The following THSD4 variants were observed in gnomAD, a reference collection of about 807,000 sequenced individuals.
THSD4 encodes the protein thrombospondin type-1 domain-containing protein 4.
Under a neutral mutation model 119.0 loss-of-function variants are expected in THSD4, and 69 were observed. That is an observed-to-expected ratio of 0.58 (90% CI 0.48 to 0.71). The LOEUF (loss-of-function observed/expected upper bound fraction) is 0.71, where lower values mean the gene tolerates loss of function less well. Among genes scored for constraint, THSD4 ranks in the 30% least tolerant of loss-of-function variants. The probability of loss-of-function intolerance (pLI) is 0.00; values close to 1 mark genes in which losing one functional copy is unlikely to be tolerated. For missense variants in THSD4, 1,393 were observed against 1,391.1 expected (o/e 1.00, Z -0.02); for synonymous variants, 524 against 540.4 (o/e 0.97, Z 0.42).
At chr15:71,431,058 A>G (rs1173791235) in intron 7 of THSD4, among the ~76,000 whole-genome samples, 1 of 152,184 alleles carries the variant, frequency 6.6e-6, no homozygotes. Context: ...GAATTTCAAC[A>G]TTTTGGAGGG....
intron 4 of THSD4, among the ~76,000 whole-genome samples, chr15:71,233,757 T>C (rs532774792): frequency 4.6e-5 from 7 of 152,360 alleles, no homozygotes; most frequent in African/African-American, 1.4e-4. Context: ...TATTTTTCTA[T>C]AACTAGATGT....
intron 3 of THSD4, among the ~76,000 whole-genome samples, chr15:71,212,870 TA>T (rs2043898952): frequency 6.6e-6 from 1 of 152,204 alleles, no homozygotes; most frequent in African/African-American, 2.4e-5. Context: ...TGGAAAGTGT[TA>T]ACTGGCGCTA....
rs568168848 is a variant in THSD4 at position 71,428,977 on chromosome 15, A to G, written c.1152+17154A>G. Reference sequence around the variant, plus strand: ...ACATGCTCATTCATTTTACATTTGTATGGTATCGCACACTAGGAACAACCA... The same window carrying G: ...ACATGCTCATTCATTTTACATTTGTGTGGTATCGCACACTAGGAACAACCA... On this transcript the variant is annotated intron_variant, in intron 7 of 17. Coordinates refer to ENST00000261862, the MANE Select transcript of THSD4 (RefSeq NM_024817.3). Among the ~76,000 whole-genome samples the G allele has an allele frequency of 8.1e-4, 124 of 152,330 alleles. 1 individual carries two copies. The highest frequency in any genetic ancestry group is 5.8e-4 in the East Asian group (3 of 5,192).
At chr15:71,335,179 T>C (rs537128395) in intron 6 of THSD4, among the ~76,000 whole-genome samples, 49 of 152,288 alleles carry the variant, frequency 3.2e-4, no homozygotes, top group Middle Eastern at 3.4e-3. Flanking sequence ...AGACAATACA[T>C]GTGAGGTGCT....
intron 8 of THSD4, among the ~76,000 whole-genome samples, chr15:71,670,066 GC>G (rs1313384291): frequency 8.5e-5 from 13 of 152,154 alleles, no homozygotes; most frequent in Non-Finnish European, 1.3e-4. Flanking sequence ...CCAGGATTAT[GC>G]CACTTCGGGT....
chr15:71,102,888 C>A (rs2040259024), intron 1 of THSD4, among the ~76,000 whole-genome samples: 1 of 152,060 alleles, frequency 6.6e-6, no homozygotes, highest in Non-Finnish European at 1.5e-5. Flanking sequence ...TTCTTTTTTC[C>A]CCCCTGAGAA....
chr15:71,367,934 C>T (rs201028972), intron 6 of THSD4, among the ~76,000 whole-genome samples: 2 of 152,236 alleles, frequency 1.3e-5, no homozygotes, highest in Middle Eastern at 3.4e-3. Context: ...TCCACATCCT[C>T]TCCAGCACCT....
At chr15:71,510,976 G>A (rs1016747690) in intron 7 of THSD4, among the ~76,000 whole-genome samples, 5 of 152,066 alleles carry the variant, frequency 3.3e-5, no homozygotes, top group Non-Finnish European at 7.4e-5. Flanking sequence ...CACGTTTGGC[G>A]GTGTGGTCGA....
intron 7 of THSD4, among the ~76,000 whole-genome samples, chr15:71,424,213 G>A (rs1019957883): frequency 1.3e-5 from 2 of 152,122 alleles, no homozygotes; most frequent in Non-Finnish European, 2.9e-5. Flanking sequence ...TGGCGTTCCT[G>A]TGTGGAGGAT....
At chr15:71,217,643 G>A (rs187173614) in intron 4 of THSD4, among the ~76,000 whole-genome samples, 18 of 151,978 alleles carry the variant, frequency 1.2e-4, no homozygotes, top group African/African-American at 3.6e-4. Context: ...AAAAGATCAG[G>A]TTTGTTGGCC....
chr15:71,242,852 C>G lies in THSD4; in HGVS notation c.668C>G (p.Pro223Arg), dbSNP rs959261581. 1.2e-6 allele frequency: 2 copies of G among 1,614,126 alleles called. No homozygotes were observed. The highest frequency in any genetic ancestry group is 2.7e-5 in the African/African-American group (2 of 74,954). Residue 223 changes from proline to arginine, a missense_variant, in exon 5 of 18, where the codon CCT (proline) becomes CGT (arginine). Pro to Arg is a moderately radical substitution (Grantham distance 103). Coordinates refer to ENST00000261862, the MANE Select transcript of THSD4 (RefSeq NM_024817.3). ...SPAHQVPQHGPLYQSDSGPRS... is the reference protein window; with the variant it reads ...SPAHQVPQHGRLYQSDSGPRS... The stretch of plus-strand genomic sequence containing the variant: ...GCCCACCAGGTCCCCCAACATGGGC[C>G]TTTGTACCAAAGTGACAGTGGCCCT...
chr15:71,345,860 T>TACGA (rs1287576642), intron 6 of THSD4, among the ~76,000 whole-genome samples: 1 of 152,086 alleles, frequency 6.6e-6, no homozygotes, highest in Non-Finnish European at 1.5e-5. Flanking sequence ...TAAAGCCCTG[T>TACGA]ACGAAGAGTT....
intron 7 of THSD4, among the ~76,000 whole-genome samples, chr15:71,530,793 AC>A (rs1414885464): frequency 1.4e-5 from 2 of 141,376 alleles, no homozygotes; most frequent in African/African-American, 5.0e-5. Context: ...CCTACTGTGT[AC>A]CAAGCCCCCG....
chr15:71,486,704 G>A (rs1284927837), intron 7 of THSD4, among the ~76,000 whole-genome samples: 1 of 149,198 alleles, frequency 6.7e-6, no homozygotes, highest in Non-Finnish European at 1.5e-5. Flanking sequence ...CTTCAGATTG[G>A]CCCCTTATCT....
chr15:71,378,882 C>CA (rs2046187731), intron 6 of THSD4, among the ~76,000 whole-genome samples: 1 of 152,166 alleles, frequency 6.6e-6, no homozygotes, highest in Non-Finnish European at 1.5e-5. Context: ...CTCCGGAGCT[C>CA]AAAGGATCCT....
chr15:71,477,608 C>T (rs1362182510), intron 7 of THSD4, among the ~76,000 whole-genome samples: 1 of 152,182 alleles, frequency 6.6e-6, no homozygotes, highest in Non-Finnish European at 1.5e-5. Context: ...ACTCTTCTAT[C>T]TGTAGGTCCT....
Position 71,343,446 on chromosome 15 carries a change from A to G in THSD4, c.1016-68241A>G, listed in dbSNP as rs925422667. Among the ~76,000 whole-genome samples, 5 of 152,274 alleles carry G rather than the reference A, an allele frequency of 3.3e-5. 1 individual carries two copies. In the South Asian group the frequency reaches 1.0e-3, roughly 32 times the overall value. Reference sequence around the variant, plus strand: ...TTATTTTCTAACCATCTCAGAGGGGAAAAGTCCAAAGTCAAGGTGTCATCA... The same window carrying G: ...TTATTTTCTAACCATCTCAGAGGGGGAAAGTCCAAAGTCAAGGTGTCATCA... On this transcript the variant is annotated intron_variant, in intron 6 of 17. Transcript: ENST00000261862.
In THSD4 at chr15:71,318,627, T is replaced by C. The variant is rs533252030; in HGVS notation, c.1015+61912T>C. ...TTCAGACCAACACAAACCAGGGGCC[T>C]GTAGCTGAGGCTGGGACTCAGCCCA... On this transcript the variant is annotated intron_variant, in intron 6 of 17. Coordinates refer to ENST00000261862, the MANE Select transcript of THSD4 (RefSeq NM_024817.3). 1.6e-4 allele frequency among the ~76,000 whole-genome samples: 25 copies of C among 152,284 alleles called. No individual in the cohort carries two copies. The South Asian group carries it at 5.2e-3, about 32-fold the overall frequency.
intron 7 of THSD4, among the ~76,000 whole-genome samples, chr15:71,467,845 G>GTTTTTTTTTTTTTTTTTTTTTTT (rs34603517): frequency 2.8e-5 from 4 of 143,684 alleles, no homozygotes; most frequent in African/African-American, 2.6e-5. Flanking sequence ...AGATATGATG[G>GTTTTTTTTTTTTTTTTTTTTTTT]TTTTTTTTTT....
Sources: gnomAD v4.1 joint callset for allele counts (sites outside exome capture counted in the v4.1 genomes callset) on GRCh38, gnomAD v4.1.1 for gene constraint, MANE v1.5 for transcripts, NCBI Gene and HGNC (gene_info 2026-07-23, HGNC 2026-07-21) for gene names.